Variants in TAFA5 observed in about 807,000 individuals in gnomAD.
The protein encoded by TAFA5 is chemokine-like protein TAFA-5.
A neutral mutation model predicts 15.3 loss-of-function variants in TAFA5; 6 were observed. That is an observed-to-expected ratio of 0.39 (90% CI 0.21 to 0.77). The LOEUF is 0.77. TAFA5 is among the 30% of genes least tolerant of loss of function. The pLI is 0.41. For missense variants in TAFA5, 161 were observed against 193.1 expected, an observed-to-expected ratio of 0.83 and a Z score of 0.98; for synonymous variants, 103 against 80.7, an observed-to-expected ratio of 1.28 and a Z score of -1.48.
At chr22:48,564,661 A>T (rs763260256) in intron 1 of TAFA5, among the ~76,000 whole-genome samples, 1 of 152,208 alleles carries the variant, frequency 6.6e-6, no homozygotes, top group Admixed American at 6.5e-5. Flanking sequence ...GCCACTCCTC[A>T]TTGGTCCCAG....
intron 2 of TAFA5, among the ~76,000 whole-genome samples, chr22:48,690,507 C>G (rs1052811675): frequency 5.4e-4 from 82 of 152,322 alleles, no homozygotes; most frequent in Non-Finnish European, 5.1e-4. Flanking sequence ...GGCCCTCCCA[C>G]AGGCTTACAG....
chr22:48,558,432 C>T (rs530233950), intron 1 of TAFA5, among the ~76,000 whole-genome samples: 1 of 152,216 alleles, frequency 6.6e-6, no homozygotes, highest in African/African-American at 2.4e-5. Context: ...GTTCTTGGGG[C>T]TCATAATCAT....
intron 1 of TAFA5, among the ~76,000 whole-genome samples, chr22:48,538,715 G>A (rs1466286915): frequency 2.0e-5 from 3 of 152,158 alleles, no homozygotes; most frequent in Non-Finnish European, 4.4e-5. Context: ...GGAAATCGCA[G>A]GACACCAAAC....
At chr22:48,623,257 CGCGGTG>C in intron 1 of TAFA5, among the ~76,000 whole-genome samples, 4 of 146,660 alleles carry the variant, frequency 2.7e-5, no homozygotes, top group African/African-American at 1.0e-4. Context: ...CGTGGCCCTG[CGCGGTG>C]ACCTGTGGGA....
intron 3 of TAFA5, among the ~76,000 whole-genome samples, chr22:48,713,312 G>T (rs973952919): frequency 6.6e-6 from 1 of 152,204 alleles, no homozygotes; most frequent in African/African-American, 2.4e-5. Context: ...GTGGGGGCTC[G>T]GATGTCTAAA....
At chr22:48,641,637 G>A (rs754818479) in intron 1 of TAFA5, among the ~76,000 whole-genome samples, 7 of 61,914 alleles carry the variant, frequency 1.1e-4, no homozygotes, top group Admixed American at 2.2e-4. Flanking sequence ...CTTCCCCCCC[G>A]CACACCCTCC....
At position 48,571,574 on chromosome 22, in the gene TAFA5, GTTTTTTTTT is replaced by G. The variant is rs57578802; in HGVS notation, c.113-74999_113-74991del. Among the ~76,000 whole-genome samples the G allele has an allele frequency of 3.6e-3, 104 of 29,228 alleles. 2 individuals carry two copies. Among genetic ancestry groups the G allele is most frequent in the African/African-American group, 0.01 (90 of 8,818 alleles). 19.2% of individuals were successfully genotyped at this position (29,228 alleles called of 152,430 possible). ...AGGCATGAGCCACTGTGCCTGGCCTGTTTTTTTTTTTTTTTTTTTTTTTTTTTTTTTTGC... is the reference window on the plus strand; with the variant it reads ...AGGCATGAGCCACTGTGCCTGGCCTGTTTTTTTTTTTTTTTTTTTTTTTGC... On this transcript the variant is annotated intron_variant, in intron 1 of 3. Transcript: ENST00000402357.
At chr22:48,689,850 TGTAA>T (rs1414543681) in intron 2 of TAFA5, among the ~76,000 whole-genome samples, 2 of 152,086 alleles carry the variant, frequency 1.3e-5, no homozygotes, top group African/African-American at 4.8e-5. Flanking sequence ...CCCCGGTTGG[TGTAA>T]GTGTCTCTGA....
intron 1 of TAFA5, among the ~76,000 whole-genome samples, chr22:48,613,890 C>T (rs1469096504): frequency 6.6e-6 from 1 of 152,214 alleles, no homozygotes; most frequent in Non-Finnish European, 1.5e-5. Context: ...GCCCCCATGG[C>T]TGAAGAGGCT....
At chr22:48,652,552 C>T (rs116877307) in intron 2 of TAFA5, among the ~76,000 whole-genome samples, 2,013 of 152,350 alleles carry the variant, frequency 0.013, 28 homozygotes, top group Middle Eastern at 0.041. Flanking sequence ...CAGCCTGGCA[C>T]CCCGCACTGG....
intron 1 of TAFA5, among the ~76,000 whole-genome samples, chr22:48,626,271 G>C (rs1442137035): frequency 6.6e-6 from 1 of 152,210 alleles, no homozygotes; most frequent in African/African-American, 2.4e-5. Flanking sequence ...ACGCTGCCAA[G>C]CTGTCTTCCA....
intron 1 of TAFA5, among the ~76,000 whole-genome samples, chr22:48,527,554 C>T (rs1921822256): frequency 6.6e-6 from 1 of 152,228 alleles, no homozygotes; most frequent in South Asian, 2.1e-4. Flanking sequence ...GTGCACAGTC[C>T]TTGGGGCACA....
intron 3 of TAFA5, among the ~76,000 whole-genome samples, chr22:48,708,233 C>G (rs1480624456): frequency 6.6e-6 from 1 of 152,180 alleles, no homozygotes; most frequent in Admixed American, 6.5e-5. Context: ...TGATAACTCC[C>G]CCAGGGCACG....
intron 1 of TAFA5, among the ~76,000 whole-genome samples, chr22:48,584,379 A>G (rs1924244866): frequency 6.7e-6 from 1 of 150,328 alleles, no homozygotes; most frequent in South Asian, 2.1e-4. Flanking sequence ...AGTACACACC[A>G]CACGCACAGT....
At chr22:48,565,664 G>A (rs1413478823) in intron 1 of TAFA5, among the ~76,000 whole-genome samples, 1 of 152,226 alleles carries the variant, frequency 6.6e-6, no homozygotes, top group Non-Finnish European at 1.5e-5. Context: ...TCACTGCTGA[G>A]AGGATTTCCC....
In TAFA5 at chr22:48,503,058, C is replaced by T. The variant is rs939528318; in HGVS notation, c.112+13354C>T. Among the ~76,000 whole-genome samples the T allele has an allele frequency of 4.6e-5, 7 of 152,310 alleles. No individual in the cohort carries two copies. The East Asian group carries it at 1.4e-3, about 29-fold the overall frequency. ...CGGGACCTTCCCATGCTCTTCCATGCAGTCATCTGTGAGTCTTGTTGGCTC... is the reference window on the plus strand; with the variant it reads ...CGGGACCTTCCCATGCTCTTCCATGTAGTCATCTGTGAGTCTTGTTGGCTC... On this transcript the variant is annotated intron_variant, in intron 1 of 3. Transcript: ENST00000402357.
chr22:48,623,505 G>A (rs1041274278), intron 1 of TAFA5, among the ~76,000 whole-genome samples: 7 of 152,212 alleles, frequency 4.6e-5, no homozygotes, highest in Admixed American at 1.3e-4. Context: ...GACGGGTGTC[G>A]GTATCACCTT....
intron 1 of TAFA5, among the ~76,000 whole-genome samples, chr22:48,614,747 C>T (rs533196340): frequency 4.7e-4 from 72 of 152,330 alleles, no homozygotes; most frequent in African/African-American, 1.6e-3. Flanking sequence ...GGGTGCTGCG[C>T]GTCCTGTTGA....
intron 1 of TAFA5, among the ~76,000 whole-genome samples, chr22:48,559,167 C>T (rs949181932): frequency 7.2e-5 from 11 of 152,150 alleles, no homozygotes; most frequent in East Asian, 1.9e-4. Flanking sequence ...TTGTTGAGGC[C>T]GCCCGGGGCC....
Sources: gnomAD v4.1 joint callset for allele counts (sites outside exome capture counted in the v4.1 genomes callset) on GRCh38, gnomAD v4.1.1 for gene constraint, MANE v1.5 for transcripts, NCBI Gene and HGNC (gene_info 2026-07-23, HGNC 2026-07-21) for gene names.